The following CSMD1 variants were observed in gnomAD, a reference collection of about 807,000 sequenced individuals.
CSMD1 encodes the protein CUB and sushi domain-containing protein 1.
In CSMD1, 213 loss-of-function variants were observed where a neutral mutation model predicts 417.5. The ratio of observed to expected loss-of-function variants is 0.51; its 90% CI spans 0.46 to 0.57. The LOEUF (loss-of-function observed/expected upper bound fraction) is 0.57, where lower values mean the gene tolerates loss of function less well. CSMD1 is among the 20% of genes least tolerant of loss of function. The probability of loss-of-function intolerance (pLI) is 0.00; values close to 1 mark genes in which losing one functional copy is unlikely to be tolerated. For missense variants in CSMD1, 6,923 were observed against 4,529.7 expected (o/e 1.53, Z -15.17); for synonymous variants, 2,862 against 1,736.8 (o/e 1.65, Z -16.11).
intron 40 of CSMD1, among the ~76,000 whole-genome samples, chr8:3,143,053 G>C (rs183405243): frequency 3.9e-5 from 6 of 152,250 alleles, no homozygotes; most frequent in Admixed American, 1.3e-4. Flanking sequence ...ATGAAGTTGT[G>C]ATCATCTGTT....
At chr8:3,828,654 A>G (rs1048616581) in intron 5 of CSMD1, among the ~76,000 whole-genome samples, 1 of 152,092 alleles carries the variant, frequency 6.6e-6, no homozygotes, top group African/African-American at 2.4e-5. Context: ...TTTTAATCCA[A>G]GCCATCGTCA....
intron 2 of CSMD1, among the ~76,000 whole-genome samples, chr8:4,490,796 C>T (rs997336446): frequency 6.6e-6 from 1 of 152,178 alleles, no homozygotes; most frequent in African/African-American, 2.4e-5. Flanking sequence ...TAATTCAGTT[C>T]TAGGTGTTTC....
chr8:2,942,396 A>T, intron 69 of CSMD1, 76 bp downstream of exon 69: 1 of 1,268,662 alleles, frequency 7.9e-7, no homozygotes, highest in Non-Finnish European at 1.1e-6. Flanking sequence ...GCATGTGAGC[A>T]CGAGAGCATG....
At chr8:3,307,564 C>T in intron 25 of CSMD1, 131 bp downstream of exon 25, 2 of 1,093,932 alleles carry the variant, frequency 1.8e-6, no homozygotes, top group Non-Finnish European at 2.6e-6. Flanking sequence ...AAACTTTTAG[C>T]TACAGCTTTA....
intron 5 of CSMD1, among the ~76,000 whole-genome samples, chr8:3,778,967 G>A (rs1584984892): frequency 6.6e-6 from 1 of 152,154 alleles, no homozygotes; most frequent in African/African-American, 2.4e-5. Flanking sequence ...CTTGGCTTGT[G>A]TTCTTTTCAT....
intron 37 of CSMD1, among the ~76,000 whole-genome samples, chr8:3,162,779 A>C (rs982517645): frequency 2.0e-5 from 3 of 152,148 alleles, no homozygotes; most frequent in Admixed American, 2.0e-4. Context: ...TCTTAAAGAC[A>C]ACAAAAAAGG....
At chr8:3,188,130 CAT>C (rs575274059) in intron 35 of CSMD1, among the ~76,000 whole-genome samples, 165 bp from the exon 36 acceptor site, 3 of 143,476 alleles carry the variant, frequency 2.1e-5, no homozygotes, top group Non-Finnish European at 4.5e-5. Context: ...CCTCCAATGC[CAT>C]ATATATATAC....
chr8:4,276,279 G>A (rs1585141904), intron 3 of CSMD1, among the ~76,000 whole-genome samples: 2 of 152,178 alleles, frequency 1.3e-5, no homozygotes, highest in African/African-American at 4.8e-5. Flanking sequence ...ATACACCACG[G>A]AATACTATGC....
intron 27 of CSMD1, among the ~76,000 whole-genome samples, chr8:3,225,522 G>T (rs149254366): frequency 2.0e-5 from 3 of 152,246 alleles, no homozygotes; most frequent in Non-Finnish European, 4.4e-5. Context: ...ACCGATCAGG[G>T]AGCGGGAGCT....
At position 4,224,064 on chromosome 8, in the gene CSMD1, G is replaced by A. The variant is rs192156392; in HGVS notation, c.416-191965C>T. Among the ~76,000 whole-genome samples the A allele has an allele frequency of 2.0e-5, 3 of 152,136 alleles. No individual in the cohort carries two copies. The East Asian group carries it at 5.8e-4, about 29-fold the overall frequency. On this transcript the variant is annotated intron_variant, in intron 3 of 69. Coordinates refer to ENST00000635120, the MANE Select transcript of CSMD1 (RefSeq NM_033225.6). ...ATGCATACGTAACCCTACTCAAACA[G>A]GGCTAAAGGCTGATGGAACTGACCT...
At chr8:4,159,184 G>T (rs1797004676) in intron 3 of CSMD1, among the ~76,000 whole-genome samples, 1 of 152,210 alleles carries the variant, frequency 6.6e-6, no homozygotes, top group South Asian at 2.1e-4. Flanking sequence ...CCAAAGTGCT[G>T]GGATTACAGG....
intron 5 of CSMD1, among the ~76,000 whole-genome samples, chr8:3,930,275 G>A (rs554514006): frequency 2.7e-5 from 4 of 150,426 alleles, no homozygotes; most frequent in Non-Finnish European, 5.9e-5. Flanking sequence ...GGAATAAATA[G>A]TAACTTCTCT....
intron 5 of CSMD1, among the ~76,000 whole-genome samples, chr8:3,796,066 CTATCATAG>C (rs1800083323): frequency 2.2e-5 from 1 of 45,488 alleles, no homozygotes; most frequent in African/African-American, 6.7e-5. Context: ...AGATATATAT[CTATCATAG>C]ATATAGATAT....
rs2168666 is a variant in CSMD1, at chr8:4,744,482, T to C, written c.86-106924A>G. Reference sequence around the variant, plus strand: ...AATGCTCTCCATAAGTGAGGAATTATATTTATTTAGCATAGGTTTTTCTTT... The same window carrying C: ...AATGCTCTCCATAAGTGAGGAATTACATTTATTTAGCATAGGTTTTTCTTT... On this transcript the variant is annotated intron_variant, in intron 1 of 69. Transcript: ENST00000635120. Among the ~76,000 whole-genome samples, 209 of 152,314 alleles carry C rather than the reference T, an allele frequency of 1.4e-3. 5 individuals are homozygous for C. The South Asian group carries it at 0.037, about 27-fold the overall frequency.
chr8:3,255,279 A>G (rs552157142), intron 26 of CSMD1, among the ~76,000 whole-genome samples: 1 of 150,714 alleles, frequency 6.6e-6, no homozygotes, highest in Admixed American at 6.6e-5. Context: ...GTCTGCCCCT[A>G]CTGGGGGATG....
chr8:4,226,620 A>G (rs1056699187), intron 3 of CSMD1, among the ~76,000 whole-genome samples: 2 of 152,224 alleles, frequency 1.3e-5, no homozygotes, highest in Non-Finnish European at 2.9e-5. Context: ...ATTCTATAAC[A>G]TCAATTACTT....
In CSMD1 at chr8:4,582,961, A is replaced by T. The variant is rs990193495; in HGVS notation, c.302+54381T>A. On this transcript the variant is annotated intron_variant, in intron 2 of 69. Coordinates refer to ENST00000635120, the MANE Select transcript of CSMD1 (RefSeq NM_033225.6). Reference sequence around the variant, plus strand: ...CTGCCGGCCCTGAGCAATGAGGGACATAGCACCCGGGCCAGTGGCTGCGGA... The same window carrying T: ...CTGCCGGCCCTGAGCAATGAGGGACTTAGCACCCGGGCCAGTGGCTGCGGA... Among the ~76,000 whole-genome samples, 5 of 152,226 alleles carry T rather than the reference A, an allele frequency of 3.3e-5. No homozygotes were observed. In the South Asian group the frequency reaches 6.2e-4, roughly 19 times the overall value.
chr8:4,460,564 G>C (rs563707884), intron 2 of CSMD1, among the ~76,000 whole-genome samples: 18 of 151,714 alleles, frequency 1.2e-4, no homozygotes, highest in African/African-American at 3.9e-4. Context: ...AGAATCTTTT[G>C]CTAGACTGTT....
intron 2 of CSMD1, among the ~76,000 whole-genome samples, chr8:4,552,223 G>A (rs762472737): frequency 1.2e-4 from 19 of 152,182 alleles, no homozygotes; most frequent in South Asian, 8.3e-4. Context: ...GTCTCAATGT[G>A]AGCCTCCCTT....
Sources: allele counts gnomAD v4.1 joint callset (sites outside exome capture counted in the v4.1 genomes callset), GRCh38; gene constraint gnomAD v4.1.1; transcripts MANE v1.5; gene names NCBI Gene and HGNC (gene_info 2026-07-23, HGNC 2026-07-21).